The following MTA3 variants were observed in gnomAD, a reference collection of about 807,000 sequenced individuals.
MTA3 encodes metastasis-associated protein MTA3.
A neutral mutation model predicts 83.5 loss-of-function variants in MTA3; 34 were observed. The ratio of observed to expected loss-of-function variants is 0.41; its 90% CI spans 0.31 to 0.54. MTA3 has a LOEUF of 0.54. Ranked by LOEUF, MTA3 falls within the 20% of genes least tolerant of loss-of-function variation. The probability of loss-of-function intolerance (pLI) is 0.33; values close to 1 mark genes in which losing one functional copy is unlikely to be tolerated. For synonymous variants in MTA3, 303 were observed against 252.7 expected (o/e 1.20, Z -1.89); for missense variants, 761 against 726.4 (o/e 1.05, Z -0.55).
intron 2 of MTA3, among the ~76,000 whole-genome samples, chr2:42,510,777 A>T (rs1180842677): frequency 6.6e-6 from 1 of 152,182 alleles, no homozygotes; most frequent in Admixed American, 6.5e-5. Context: ...CCCAGACAGG[A>T]AGGAAGTGGG....
chr2:42,727,236 A>G (rs908238968), intron 16 of MTA3, among the ~76,000 whole-genome samples: 1 of 152,196 alleles, frequency 6.6e-6, no homozygotes, highest in Non-Finnish European at 1.5e-5. Flanking sequence ...CTGCATACGC[A>G]AGAAGCCTCA....
intron 2 of MTA3, among the ~76,000 whole-genome samples, chr2:42,498,995 A>G (rs1440426275): frequency 1.3e-5 from 2 of 152,156 alleles, no homozygotes; most frequent in Non-Finnish European, 2.9e-5. Context: ...CTATGAGGTT[A>G]TCCCAAGATT....
At chr2:42,557,260 CAG>C (rs973933091) in intron 2 of MTA3, among the ~76,000 whole-genome samples, 1 of 146,488 alleles carries the variant, frequency 6.8e-6, no homozygotes, top group African/African-American at 2.5e-5. Context: ...GCCTGGGCAA[CAG>C]AGAGAGACTT....
chr2:42,618,302 T>C lies in MTA3; in HGVS notation c.317+8718T>C, dbSNP rs369006779. ...TAGTCACGTTAAGTGTCATTATCATTTGAGAACAGACCTTTTTCTAACTTA... is the reference window on the plus strand; with the variant it reads ...TAGTCACGTTAAGTGTCATTATCATCTGAGAACAGACCTTTTTCTAACTTA... On this transcript the variant is annotated intron_variant, in intron 4 of 16. Coordinates refer to ENST00000405094, the MANE Select transcript of MTA3 (RefSeq NM_001330442.2). Among the ~76,000 whole-genome samples, 6 of 152,286 alleles carry C rather than the reference T, an allele frequency of 3.9e-5. No homozygotes were observed. The East Asian group carries it at 9.6e-4, about 24-fold the overall frequency.
intron 9 of MTA3, among the ~76,000 whole-genome samples, chr2:42,693,898 C>G (rs1006026537): frequency 6.6e-6 from 1 of 152,042 alleles, no homozygotes; most frequent in African/African-American, 2.4e-5. Context: ...ATCTCAGAGC[C>G]CAAGGCCCAT....
chr2:42,663,276 G>C (rs963834953), intron 8 of MTA3, among the ~76,000 whole-genome samples: 19 of 152,076 alleles, frequency 1.2e-4, no homozygotes, highest in African/African-American at 4.6e-4. Flanking sequence ...AGGTAGAGAG[G>C]GCCTGTGTGG....
chr2:42,570,402 A>G, intron 1 of MTA3, 35 bp from the exon 2 acceptor site: 1 of 1,342,506 alleles, frequency 7.4e-7, no homozygotes, highest in African/African-American at 1.5e-5. Context: ...ACTTTCTGTT[A>G]AAAAGATTAA....
At chr2:42,563,254 C>T (rs1677750759) in intron 2 of MTA3, among the ~76,000 whole-genome samples, 1 of 152,164 alleles carries the variant, frequency 6.6e-6, no homozygotes, top group Admixed American at 6.6e-5. Context: ...CTACAACCTC[C>T]ACCTCCCAGG....
At chr2:42,614,699 G>T (rs1347931695) in intron 4 of MTA3, among the ~76,000 whole-genome samples, 3 of 152,032 alleles carry the variant, frequency 2.0e-5, no homozygotes, top group Non-Finnish European at 4.4e-5. Context: ...ATTCAGCTGG[G>T]TGCAGTGGCT....
Position 42,609,032 on chromosome 2 carries a change from AT to A in MTA3, c.191-409del, listed in dbSNP as rs11460512. Among the ~76,000 whole-genome samples, 341 of 136,000 alleles carry A rather than the reference AT, an allele frequency of 2.5e-3. 3 individuals carry two copies. The highest frequency in any genetic ancestry group is 4.0e-3 in the Non-Finnish European group (262 of 64,880). 89.2% of individuals were successfully genotyped at this position (136,000 alleles called of 152,430 possible). On this transcript the variant is annotated intron_variant, in intron 3 of 16. Coordinates refer to ENST00000405094, the MANE Select transcript of MTA3 (RefSeq NM_001330442.2). ...GTTGAACTGACAAGATAAATGTTTA[AT>A]TTTTTTTTTTTTTTTTGAGACAGAT...
At chr2:42,498,064 C>T (rs1332713832) in intron 2 of MTA3, among the ~76,000 whole-genome samples, 1 of 152,142 alleles carries the variant, frequency 6.6e-6, no homozygotes, top group Non-Finnish European at 1.5e-5. Context: ...CACCGTTTCC[C>T]CCAAAGCTTT....
intron 8 of MTA3, 66 bp downstream of exon 8, chr2:42,659,928 T>G: frequency 7.6e-7 from 1 of 1,309,108 alleles, no homozygotes; most frequent in Non-Finnish European, 1.0e-6. Context: ...TTAAAGCCAT[T>G]GTGGCAATAC....
At chr2:42,500,845 C>G (rs1290300140) in intron 2 of MTA3, among the ~76,000 whole-genome samples, 1 of 147,754 alleles carries the variant, frequency 6.8e-6, no homozygotes, top group Non-Finnish European at 1.5e-5. Context: ...GAGTCTCACA[C>G]TCTCGCCCAG....
intron 4 of MTA3, among the ~76,000 whole-genome samples, chr2:42,617,080 G>A (rs1211711095): frequency 1.3e-5 from 2 of 152,068 alleles, no homozygotes; most frequent in Admixed American, 6.6e-5. Context: ...CAATTTAAGA[G>A]CAATTTGCAG....
At chr2:42,524,400 A>C (rs1675572742) in intron 2 of MTA3, among the ~76,000 whole-genome samples, 1 of 147,400 alleles carries the variant, frequency 6.8e-6, no homozygotes, top group Non-Finnish European at 1.5e-5. Flanking sequence ...TCCTGGGTTC[A>C]CGCCATTCTC....
At chr2:42,736,671 C>T (rs1668637059) in intron 16 of MTA3, among the ~76,000 whole-genome samples, 1 of 152,080 alleles carries the variant, frequency 6.6e-6, no homozygotes, top group Admixed American at 6.5e-5. Flanking sequence ...ACTCTTCTCT[C>T]TCCTTTCCTC....
At chr2:42,721,761 G>A (rs748149246) in intron 15 of MTA3, among the ~76,000 whole-genome samples, 10 of 152,122 alleles carry the variant, frequency 6.6e-5, no homozygotes, top group Non-Finnish European at 7.4e-5. Context: ...TCCCTCATAA[G>A]GCCAAGACAA....
intron 3 of MTA3, among the ~76,000 whole-genome samples, chr2:42,604,424 A>C (rs188048458): frequency 6.6e-6 from 1 of 152,318 alleles, no homozygotes; most frequent in Non-Finnish European, 1.5e-5. Flanking sequence ...ACTGGAATGA[A>C]ATGTGAAAAA....
intron 4 of MTA3, among the ~76,000 whole-genome samples, chr2:42,619,855 G>C (rs918564675): frequency 1.3e-5 from 2 of 152,036 alleles, no homozygotes; most frequent in African/African-American, 4.8e-5. Flanking sequence ...GCACAAATCC[G>C]TGGTACCAGG....
Sources: gnomAD v4.1 joint callset for allele counts (sites outside exome capture counted in the v4.1 genomes callset) on GRCh38, gnomAD v4.1.1 for gene constraint, MANE v1.5 for transcripts, NCBI Gene and HGNC (gene_info 2026-07-23, HGNC 2026-07-21) for gene names.